The following ADD3 variants were observed in gnomAD, a reference collection of about 807,000 sequenced individuals.
ADD3 encodes the protein gamma-adducin.
Under a neutral mutation model 80.2 loss-of-function variants are expected in ADD3, and 25 were observed. The observed-to-expected ratio is 0.31, with a 90% CI of 0.23 to 0.44. The LOEUF is 0.44. Ranked by LOEUF, ADD3 falls within the 20% of genes least tolerant of loss-of-function variation. ADD3 has a pLI of 1.00. For synonymous variants in ADD3, 284 were observed against 289.6 expected (o/e 0.98, Z 0.20); for missense variants, 829 against 847.5 (o/e 0.98, Z 0.27).
At position 110,061,545 on chromosome 10, in the gene ADD3, C is replaced by T. The variant is rs141915410; in HGVS notation, c.-29-39080C>T. ...ACTTCATAGACACTTCTGCAGTGCCCATAAGTGCTGAAATAGATGAAATTC... is the reference window on the plus strand; with the variant it reads ...ACTTCATAGACACTTCTGCAGTGCCTATAAGTGCTGAAATAGATGAAATTC... On this transcript the variant is annotated intron_variant, in intron 1 of 14. Coordinates refer to ENST00000356080, the MANE Select transcript of ADD3 (RefSeq NM_016824.5). Among the ~76,000 whole-genome samples the T allele has an allele frequency of 2.0e-3, 308 of 152,236 alleles. 4 individuals carry two copies. The highest frequency in any genetic ancestry group is 6.6e-3 in the African/African-American group (274 of 41,536).
chr10:110,056,880 T>G (rs1472506189), intron 1 of ADD3, among the ~76,000 whole-genome samples: 1 of 152,218 alleles, frequency 6.6e-6, no homozygotes, highest in East Asian at 1.9e-4. Context: ...TTTATTGGTC[T>G]TCTTTAGCTA....
chr10:110,125,396 G>A (rs1425679122), intron 10 of ADD3, among the ~76,000 whole-genome samples: 1 of 151,344 alleles, frequency 6.6e-6, no homozygotes, highest in Admixed American at 6.6e-5. Context: ...AAAAAGTGAA[G>A]TCTGATAAAC....
chr10:110,123,931 A>G (rs2134169188), intron 9 of ADD3, 86 bp from the exon 10 acceptor site: 1 of 1,362,150 alleles, frequency 7.3e-7, no homozygotes, highest in South Asian at 1.4e-5. Flanking sequence ...AGTCTTTTAA[A>G]TCATTTGTAT....
chr10:110,118,628 T>C lies in ADD3; in HGVS notation c.609T>C (p.Ser203=), dbSNP rs145283023. ...TAGGAGAAGTGGTTGACCAGGGAAG[T>C]ACCAATTTGAAAATTGACCATACAG... ...NIIGEVVDQG[S]TNLKIDHTGF... Residue 203 remains serine, a synonymous_variant, in exon 6 of 15, where the codon AGT becomes AGC. Coordinates refer to ENST00000356080, the MANE Select transcript of ADD3 (RefSeq NM_016824.5). 8.9e-5 allele frequency: 144 copies of C among 1,613,934 alleles called. 1 individual carries two copies. The African/African-American group carries it at 1.7e-3, about 19-fold the overall frequency.
chr10:110,113,319 G>A lies in ADD3; in HGVS notation c.334+404G>A, dbSNP rs369846896. On this transcript the variant is annotated intron_variant, in intron 3 of 14. Transcript: ENST00000356080. ...GTCTTGCTCTGTCGCCGAGGCTGGA[G>A]TACAGTGGCCCGATCTCGGCTCACT... 3.3e-5 allele frequency among the ~76,000 whole-genome samples: 5 copies of A among 152,222 alleles called. No individual in the cohort carries two copies. The East Asian group carries it at 5.8e-4, about 18-fold the overall frequency.
At chr10:110,129,150 C>CTTTCT (rs1554845124) in intron 12 of ADD3, among the ~76,000 whole-genome samples, 60 of 138,308 alleles carry the variant, frequency 4.3e-4, no homozygotes, top group African/African-American at 1.5e-3. Flanking sequence ...TTCTTTCTTT[C>CTTTCT]TTTTTTTTTT....
At chr10:110,057,152 CT>C (rs1385971568) in intron 1 of ADD3, among the ~76,000 whole-genome samples, 1 of 152,104 alleles carries the variant, frequency 6.6e-6, no homozygotes, top group Non-Finnish European at 1.5e-5. Flanking sequence ...ACCCCCAATT[CT>C]CCCCATATCA....
chr10:110,116,622 A>T (rs1019686368), intron 4 of ADD3, among the ~76,000 whole-genome samples: 1 of 152,146 alleles, frequency 6.6e-6, no homozygotes, highest in Non-Finnish European at 1.5e-5. Context: ...ATGTTGTTCC[A>T]AGTTCCTTTG....
intron 1 of ADD3, among the ~76,000 whole-genome samples, chr10:110,038,913 TG>T (rs1446729996): frequency 5.9e-5 from 9 of 152,218 alleles, no homozygotes; most frequent in African/African-American, 2.2e-4. Context: ...CAGTAAATTA[TG>T]GGCTATAATA....
chr10:110,001,586 G>T (rs557656245), upstream of ADD3, among the ~76,000 whole-genome samples: 1 of 152,260 alleles, frequency 6.6e-6, no homozygotes, highest in South Asian at 2.1e-4. Flanking sequence ...ACAGTGCATT[G>T]TTTCTATAGG....
intron 1 of ADD3, among the ~76,000 whole-genome samples, chr10:110,057,445 A>T (rs771002187): frequency 4.6e-5 from 7 of 152,148 alleles, no homozygotes; most frequent in Non-Finnish European, 8.8e-5. Context: ...ATTATGGGCT[A>T]AGCTACCACT....
chr10:110,117,693 C>T (rs1850919353), intron 5 of ADD3, among the ~76,000 whole-genome samples: 1 of 150,946 alleles, frequency 6.6e-6, no homozygotes, highest in African/African-American at 2.4e-5. Context: ...CCTATACACT[C>T]AGAAATTTGT....
chr10:110,023,159 G>T (rs1564851119), intron 1 of ADD3, among the ~76,000 whole-genome samples: 1 of 152,172 alleles, frequency 6.6e-6, no homozygotes. Flanking sequence ...TTTGAGATTT[G>T]AAAGAGAATG....
At chr10:110,007,558 G>C (rs1262265823), upstream of ADD3, among the ~76,000 whole-genome samples, 1 of 152,200 alleles carries the variant, frequency 6.6e-6, no homozygotes, top group African/African-American at 2.4e-5. Context: ...TTTCTATCGG[G>C]GTCGTTTCCC....
At chr10:110,008,612 C>G (rs1031898382) in intron 1 of ADD3, among the ~76,000 whole-genome samples, 15 of 152,148 alleles carry the variant, frequency 9.9e-5, no homozygotes, top group African/African-American at 3.6e-4. Flanking sequence ...CTGGTTTTCC[C>G]TAGGAAGGCG....
At chr10:110,115,128 G>A (rs1337772769) in intron 3 of ADD3, among the ~76,000 whole-genome samples, 3 of 151,092 alleles carry the variant, frequency 2.0e-5, no homozygotes, top group Non-Finnish European at 4.4e-5. Flanking sequence ...AGTGGCTCAG[G>A]CCTATAATCC....
chr10:110,096,218 T>C (rs7923194), intron 1 of ADD3, among the ~76,000 whole-genome samples: 21,760 of 152,176 alleles, frequency 0.14, 5,026 homozygotes, highest in African/African-American at 0.49. Context: ...GAAATCTTAG[T>C]GAGCTCCACA....
At chr10:110,073,079 A>T (rs1844938279) in intron 1 of ADD3, among the ~76,000 whole-genome samples, 1 of 149,108 alleles carries the variant, frequency 6.7e-6, no homozygotes, top group Non-Finnish European at 1.5e-5. Flanking sequence ...TGTTCGACTT[A>T]TCTCCATTGC....
intron 1 of ADD3, among the ~76,000 whole-genome samples, chr10:110,029,005 G>A (rs756414097): frequency 3.3e-5 from 5 of 151,524 alleles, no homozygotes; most frequent in Non-Finnish European, 7.4e-5. Flanking sequence ...TCAGCCTCCC[G>A]AGTAGCTGGG....
Sources: gnomAD v4.1 joint callset for allele counts (sites outside exome capture counted in the v4.1 genomes callset) on GRCh38, gnomAD v4.1.1 for gene constraint, MANE v1.5 for transcripts, NCBI Gene and HGNC (gene_info 2026-07-23, HGNC 2026-07-21) for gene names.